The following KCND2 variants were observed in gnomAD, a reference collection of about 807,000 sequenced individuals.
KCND2 encodes the protein potassium voltage-gated channel subfamily D member 2.
In KCND2, 16 loss-of-function variants were observed where a neutral mutation model predicts 54.4. The observed-to-expected ratio is 0.29, with a 90% CI of 0.20 to 0.45. The LOEUF (loss-of-function observed/expected upper bound fraction) is 0.45. Ranked by LOEUF, KCND2 falls within the 20% of genes least tolerant of loss-of-function variation. The pLI, the probability that KCND2 is intolerant of heterozygous loss-of-function variation, is 1.00. For missense variants in KCND2, 486 were observed against 824.2 expected (o/e 0.59, Z 5.02); for synonymous variants, 317 against 310.7 (o/e 1.02, Z -0.21).
At chr7:120,740,344 T>A (rs900353373) in intron 2 of KCND2, among the ~76,000 whole-genome samples, 1 of 152,028 alleles carries the variant, frequency 6.6e-6, no homozygotes, top group Admixed American at 6.6e-5. Flanking sequence ...TTTTAAAATT[T>A]TTATTAAAAA....
intron 1 of KCND2, among the ~76,000 whole-genome samples, chr7:120,589,450 A>G (rs1792642877): frequency 6.6e-6 from 1 of 152,194 alleles, no homozygotes; most frequent in Admixed American, 6.5e-5. Flanking sequence ...TAGGATCAAG[A>G]ACACTTGGCA....
At chr7:120,572,410 G>A (rs981009791) in intron 1 of KCND2, among the ~76,000 whole-genome samples, 1 of 151,928 alleles carries the variant, frequency 6.6e-6, no homozygotes, top group African/African-American at 2.4e-5. Context: ...TATTTTTTAT[G>A]GTTTATTACT....
chr7:120,623,380 G>A (rs1453456063), intron 1 of KCND2, among the ~76,000 whole-genome samples: 5 of 152,072 alleles, frequency 3.3e-5, no homozygotes, highest in Admixed American at 6.5e-5. Context: ...CTCTTATGAC[G>A]CTTACATTCA....
chr7:120,380,409 G>A (rs2024234), intron 1 of KCND2, among the ~76,000 whole-genome samples: 141,024 of 151,874 alleles, frequency 0.93, 65,775 homozygotes, highest in Admixed American at 0.98. Context: ...GAGTGTGTAG[G>A]TGATGAACTG....
At chr7:120,701,123 G>A (rs1170956417) in intron 1 of KCND2, among the ~76,000 whole-genome samples, 1 of 151,826 alleles carries the variant, frequency 6.6e-6, no homozygotes, top group African/African-American at 2.4e-5. Context: ...TCCCTTTTAA[G>A]GGAAGTTCAC....
intron 1 of KCND2, among the ~76,000 whole-genome samples, chr7:120,658,695 C>T (rs1584872615): frequency 1.3e-5 from 2 of 152,262 alleles, no homozygotes; most frequent in Admixed American, 6.5e-5. Context: ...CAGCTAGTTA[C>T]CACTTGACCA....
chr7:120,275,830 G>A (rs1341593996), intron 1 of KCND2, 83 bp downstream of exon 1: 1 of 1,425,344 alleles, frequency 7.0e-7, no homozygotes, highest in Non-Finnish European at 9.7e-7. Context: ...TGGTAACTCC[G>A]GGGAAATCAT....
chr7:120,335,689 G>T (rs1456334582), intron 1 of KCND2, among the ~76,000 whole-genome samples: 1 of 151,968 alleles, frequency 6.6e-6, no homozygotes, highest in Non-Finnish European at 1.5e-5. Flanking sequence ...GTTTCACCGT[G>T]TTAGCCAGGA....
chr7:120,499,496 G>A (rs116641315), intron 1 of KCND2, among the ~76,000 whole-genome samples: 229 of 152,154 alleles, frequency 1.5e-3, no homozygotes, highest in African/African-American at 5.1e-3. Context: ...ATTAAAAGAA[G>A]CATTGAGCTG....
At chr7:120,605,495 G>T (rs1020285207) in intron 1 of KCND2, among the ~76,000 whole-genome samples, 2 of 152,024 alleles carry the variant, frequency 1.3e-5, no homozygotes, top group African/African-American at 2.4e-5. Flanking sequence ...TGTTTCCATT[G>T]GGGGCTATTA....
At chr7:120,365,752 A>G (rs555009420) in intron 1 of KCND2, among the ~76,000 whole-genome samples, 2 of 152,270 alleles carry the variant, frequency 1.3e-5, no homozygotes, top group South Asian at 2.1e-4. Context: ...GAAAAGATAA[A>G]TGAGATTTTC....
intron 1 of KCND2, among the ~76,000 whole-genome samples, chr7:120,660,646 A>G (rs1196513361): frequency 6.6e-6 from 1 of 152,238 alleles, no homozygotes; most frequent in African/African-American, 2.4e-5. Flanking sequence ...AGGCTTGCTT[A>G]TGTACAAAAG....
At chr7:120,720,094 C>A (rs574484978) in intron 1 of KCND2, among the ~76,000 whole-genome samples, 1 of 152,190 alleles carries the variant, frequency 6.6e-6, no homozygotes, top group East Asian at 1.9e-4. Flanking sequence ...TCTCAATTTA[C>A]AGTGGATTGA....
intron 1 of KCND2, among the ~76,000 whole-genome samples, chr7:120,427,124 CGTT>C (rs772680266): frequency 1.3e-5 from 2 of 152,132 alleles, no homozygotes; most frequent in East Asian, 1.9e-4. Context: ...CAGTGTTTCT[CGTT>C]GTCTTCCTTA....
chr7:120,410,929 C>A (rs554276349), intron 1 of KCND2, among the ~76,000 whole-genome samples: 30 of 152,012 alleles, frequency 2.0e-4, no homozygotes, highest in Non-Finnish European at 3.8e-4. Flanking sequence ...GCCACATTTT[C>A]TTAATCCAGA....
intron 1 of KCND2, among the ~76,000 whole-genome samples, chr7:120,613,125 TG>T (rs1272371564): frequency 5.3e-5 from 8 of 151,752 alleles, no homozygotes; most frequent in African/African-American, 1.9e-4. Flanking sequence ...GATTAGGGCA[TG>T]TCTACTAGCT....
intron 2 of KCND2, among the ~76,000 whole-genome samples, chr7:120,734,362 A>T (rs763318532): frequency 6.6e-6 from 1 of 152,110 alleles, no homozygotes; most frequent in Non-Finnish European, 1.5e-5. Context: ...GAGTCAACAC[A>T]TACAACCTTC....
intron 1 of KCND2, among the ~76,000 whole-genome samples, chr7:120,313,478 G>T (rs1799768968): frequency 6.6e-6 from 1 of 152,084 alleles, no homozygotes; most frequent in African/African-American, 2.4e-5. Flanking sequence ...AAACTACATT[G>T]TGATAATTTT....
chr7:120,406,853 G>T (rs6959247), intron 1 of KCND2, among the ~76,000 whole-genome samples: 7,544 of 152,002 alleles, frequency 0.05, 582 homozygotes, highest in African/African-American at 0.17. Flanking sequence ...GTATAGAGTA[G>T]AAAAACTAGA....
Sources: gnomAD v4.1 joint callset for allele counts (sites outside exome capture counted in the v4.1 genomes callset) on GRCh38, gnomAD v4.1.1 for gene constraint, MANE v1.5 for transcripts, NCBI Gene and HGNC (gene_info 2026-07-23, HGNC 2026-07-21) for gene names.